The following CHD7 variants were observed in gnomAD, a reference collection of about 807,000 sequenced individuals.
The protein encoded by CHD7 is chromodomain helicase DNA binding protein 7, also known as ATP-dependent chromatin remodeler CHD7.
Under a neutral mutation model 307.3 loss-of-function variants are expected in CHD7, and 24 were observed. The ratio of observed to expected loss-of-function variants is 0.08; its 90% CI spans 0.06 to 0.11. The LOEUF (loss-of-function observed/expected upper bound fraction) is 0.11, where lower values mean the gene tolerates loss of function less well. CHD7 is among the 10% of genes least tolerant of loss of function. The pLI, the probability that CHD7 is intolerant of heterozygous loss-of-function variation, is 1.00. For missense variants in CHD7, 3,106 were observed against 3,727.1 expected (o/e 0.83, Z 4.34); for synonymous variants, 1,363 against 1,349.9 (o/e 1.01, Z -0.21).
chr8:60,721,822 A>G (rs2150546014), intron 1 of CHD7, among the ~76,000 whole-genome samples: 1 of 152,312 alleles, frequency 6.6e-6, no homozygotes, highest in South Asian at 2.1e-4. Flanking sequence ...CCGCCCAACT[A>G]GGAAGTTGTT....
chr8:60,783,456 G>C (rs1222964098), intron 3 of CHD7, among the ~76,000 whole-genome samples: 1 of 152,162 alleles, frequency 6.6e-6, no homozygotes, highest in African/African-American at 2.4e-5. Flanking sequence ...TAGGCTTGCT[G>C]TCCACCCTGA....
chr8:60,762,319 C>A (rs938086201), intron 2 of CHD7, among the ~76,000 whole-genome samples: 2 of 152,216 alleles, frequency 1.3e-5, no homozygotes, highest in African/African-American at 4.8e-5. Flanking sequence ...CCTCTGCTGA[C>A]ACTGCTGAAT....
chr8:60,799,625 A>G (rs961685533), intron 4 of CHD7, among the ~76,000 whole-genome samples: 51 of 152,352 alleles, frequency 3.3e-4, no homozygotes, highest in African/African-American at 1.2e-3. Flanking sequence ...TTATAACAAT[A>G]TTTGTATAGA....
intron 1 of CHD7, among the ~76,000 whole-genome samples, chr8:60,701,925 T>G (rs1467275700): frequency 1.3e-5 from 2 of 152,230 alleles, no homozygotes; most frequent in East Asian, 1.9e-4. Flanking sequence ...AGTTCTGGTG[T>G]TGTGCTCTGC....
Position 60,866,815 on chromosome 8 carries a change from A to G in CHD7, c.*882A>G, listed in dbSNP as rs1218922718. ...GATGTCCTTTTATTTTTTTCTTTGA[A>G]AACTGCTATCATGTAAGATAAAATG... On this transcript the variant is annotated 3_prime_UTR_variant, in exon 38 of 38. Transcript: ENST00000423902. 6.6e-6 allele frequency: 1 copy of G among 152,606 alleles called. No homozygotes were observed. Among genetic ancestry groups the G allele is most frequent in the Admixed American group, 6.5e-5 (1 of 15,278 alleles). The allele number at this position is 152,606 out of a possible 1,614,324, so 9.5% of individuals were successfully genotyped here. A position where few individuals can be genotyped will look rare whatever the true frequency, so the allele number is the denominator to read the frequency against.
At chr8:60,798,379 C>G (rs1163165950) in intron 4 of CHD7, among the ~76,000 whole-genome samples, 2 of 152,202 alleles carry the variant, frequency 1.3e-5, no homozygotes, top group African/African-American at 4.8e-5. Flanking sequence ...TACTTTGCAC[C>G]TCTGTGGCCA....
chr8:60,814,707 T>C (rs999917407), intron 7 of CHD7, among the ~76,000 whole-genome samples: 4 of 152,212 alleles, frequency 2.6e-5, no homozygotes, highest in African/African-American at 4.8e-5. Flanking sequence ...TCGTATAATA[T>C]GTGTTTCTGA....
intron 14 of CHD7, 62 bp downstream of exon 14, chr8:60,828,868 A>T: frequency 6.9e-7 from 1 of 1,456,646 alleles, no homozygotes. Flanking sequence ...ATGAAATGGC[A>T]AAGTATTAAG....
At chr8:60,710,422 T>A (rs1290820970) in intron 1 of CHD7, among the ~76,000 whole-genome samples, 1 of 152,204 alleles carries the variant, frequency 6.6e-6, no homozygotes, top group Non-Finnish European at 1.5e-5. Context: ...TGTCTCTGAC[T>A]GTGGAAGATG....
At chr8:60,791,038 A>G (rs984280754) in intron 3 of CHD7, among the ~76,000 whole-genome samples, 1 of 152,176 alleles carries the variant, frequency 6.6e-6, no homozygotes, top group African/African-American at 2.4e-5. Context: ...ATAAGAGGCA[A>G]AGGTTCTGGT....
At chr8:60,710,483 C>G (rs1229528552) in intron 1 of CHD7, among the ~76,000 whole-genome samples, 1 of 152,122 alleles carries the variant, frequency 6.6e-6, no homozygotes. Context: ...GGTAAATTGC[C>G]TTTCTAACGT....
chr8:60,730,264 G>A (rs1159920420), intron 1 of CHD7, among the ~76,000 whole-genome samples: 1 of 152,240 alleles, frequency 6.6e-6, no homozygotes, highest in Non-Finnish European at 1.5e-5. Flanking sequence ...AGAGAGGCCA[G>A]TTTGGGGTTG....
intron 1 of CHD7, among the ~76,000 whole-genome samples, chr8:60,702,068 T>C (rs191319283): frequency 6.6e-6 from 1 of 152,346 alleles, no homozygotes; most frequent in Non-Finnish European, 1.5e-5. Context: ...CTCCACTCAC[T>C]AGCTTTGTGA....
At chr8:60,760,273 G>A (rs1325337406) in intron 2 of CHD7, among the ~76,000 whole-genome samples, 1 of 151,898 alleles carries the variant, frequency 6.6e-6, no homozygotes. Context: ...ATGGTGCTGG[G>A]AAAACTGGCT....
chr8:60,831,843 TAA>T (rs1804532089), intron 15 of CHD7, among the ~76,000 whole-genome samples: 1 of 152,152 alleles, frequency 6.6e-6, no homozygotes, highest in Non-Finnish European at 1.5e-5. Flanking sequence ...ACAGCTAATT[TAA>T]AGAATTTCTA....
chr8:60,842,616 G>A (rs1478515639), intron 21 of CHD7, among the ~76,000 whole-genome samples: 1 of 152,100 alleles, frequency 6.6e-6, no homozygotes, highest in African/African-American at 2.4e-5. Context: ...ACTTTGAATG[G>A]CAGGGTGCTC....
At chr8:60,732,984 C>T (rs1383857415) in intron 1 of CHD7, among the ~76,000 whole-genome samples, 3 of 152,020 alleles carry the variant, frequency 2.0e-5, no homozygotes, top group Non-Finnish European at 4.4e-5. Context: ...CCTGTAACCC[C>T]AGCACTTTAA....
At chr8:60,697,433 A>G (rs970584698) in intron 1 of CHD7, among the ~76,000 whole-genome samples, 1 of 152,248 alleles carries the variant, frequency 6.6e-6, no homozygotes, top group African/African-American at 2.4e-5. Flanking sequence ...TATATCTTCT[A>G]TAGCAAACAG....
rs559364802 is a variant in CHD7 at position 60,742,759 on chromosome 8, A to G, written c.1327A>G (p.Met443Val). 4 of 1,614,008 alleles carry G rather than the reference A, an allele frequency of 2.5e-6. No homozygotes were observed. The Admixed American group carries it at 5.0e-5, about 20-fold the overall frequency. Residue 443 changes from methionine (M) to valine (V), a missense_variant, in exon 2 of 38, where the codon ATG becomes GTG. Physicochemically the swap from Met to Val is conservative, Grantham distance 21. Coordinates refer to ENST00000423902, the MANE Select transcript of CHD7 (RefSeq NM_017780.4). ...GCCATCTCACCAGCCCCCTGGTGCC[A>G]TGGGAATCGGACAGAGGAATATGGG... ...PQPSHQPPGA[M>V]GIGQRNMGPR...
Sources: allele counts gnomAD v4.1 joint callset (sites outside exome capture counted in the v4.1 genomes callset), GRCh38; gene constraint gnomAD v4.1.1; transcripts MANE v1.5; gene names NCBI Gene and HGNC (gene_info 2026-07-23, HGNC 2026-07-21).